ADAMTSL1: variants seen among roughly 807,000 people sequenced by gnomAD.
ADAMTSL1 encodes the protein ADAMTS like 1.
ADAMTSL1 carries 126 observed loss-of-function variants against 201.8 expected under a neutral mutation model. The ratio of observed to expected loss-of-function variants is 0.62; its 90% CI spans 0.54 to 0.72. The LOEUF is 0.72. Ranked by LOEUF, ADAMTSL1 falls within the 30% of genes least tolerant of loss-of-function variation. The pLI is 0.00. For missense variants in ADAMTSL1, 2,679 were observed against 2,277.8 expected (o/e 1.18, Z -3.59); for synonymous variants, 1,121 against 903.4 (o/e 1.24, Z -4.32).
chr9:18,719,536 G>A (rs1335548843), intron 14 of ADAMTSL1, among the ~76,000 whole-genome samples: 1 of 151,998 alleles, frequency 6.6e-6, no homozygotes, highest in Non-Finnish European at 1.5e-5. Flanking sequence ...GGCTAATTTT[G>A]TACTTTTAGT....
intron 1 of ADAMTSL1, among the ~76,000 whole-genome samples, chr9:17,996,785 C>T (rs1057136467): frequency 1.3e-5 from 2 of 152,040 alleles, no homozygotes; most frequent in East Asian, 1.9e-4. Context: ...ACCACCACCC[C>T]CTTTTGCATT....
At chr9:18,674,578 A>G (rs1830028297) in intron 9 of ADAMTSL1, among the ~76,000 whole-genome samples, 1 of 152,010 alleles carries the variant, frequency 6.6e-6, no homozygotes, top group African/African-American at 2.4e-5. Flanking sequence ...TGCTAGCCAT[A>G]TTTTATAAAC....
At chr9:17,970,581 C>G (rs1019723484) in intron 1 of ADAMTSL1, among the ~76,000 whole-genome samples, 5 of 151,946 alleles carry the variant, frequency 3.3e-5, no homozygotes, top group African/African-American at 1.2e-4. Context: ...AGTGGCTTCC[C>G]TCCTGTATTT....
At chr9:18,811,850 T>C (rs1823527109) in intron 20 of ADAMTSL1, among the ~76,000 whole-genome samples, 1 of 152,114 alleles carries the variant, frequency 6.6e-6, no homozygotes, top group South Asian at 2.1e-4. Flanking sequence ...ATTGTCTTTA[T>C]AGACAATCAA....
rs368034957 is a variant in ADAMTSL1, at chr9:18,331,762, T to A, written c.207+167781T>A. On this transcript the variant is annotated intron_variant, in intron 2 of 29. Transcript: ENST00000680146. ...AGCTTTCCTAAATCAGATGCTAGAG[T>A]TTTAGTAGCTATGCATCAGTAGCTC... Among the ~76,000 whole-genome samples the A allele has an allele frequency of 5.3e-5, 8 of 152,274 alleles. No homozygotes were observed. The South Asian group carries it at 6.2e-4, about 12-fold the overall frequency.
intron 1 of ADAMTSL1, among the ~76,000 whole-genome samples, chr9:18,129,849 A>G (rs1825876689): frequency 6.6e-6 from 1 of 152,212 alleles, no homozygotes; most frequent in East Asian, 1.9e-4. Context: ...CCTGAGGTCA[A>G]GAAACCTTCC....
At chr9:18,807,912 T>C (rs2131128949) in intron 20 of ADAMTSL1, among the ~76,000 whole-genome samples, 1 of 152,304 alleles carries the variant, frequency 6.6e-6, no homozygotes, top group Admixed American at 6.5e-5. Context: ...TTAATATCAA[T>C]GTGATTGTAA....
rs78103044 is a variant in ADAMTSL1, at chr9:18,459,574, G to A, written c.208-45255G>A. Among the ~76,000 whole-genome samples, 151 of 152,250 alleles carry A rather than the reference G, an allele frequency of 9.9e-4. 1 individual carries two copies. In the East Asian group the frequency reaches 0.013, roughly 13 times the overall value. On this transcript the variant is annotated intron_variant, in intron 2 of 29. Coordinates refer to the ADAMTSL1 transcript ENST00000680146. ...GCACCCAGGGAACTTGCCTGCAAAA[G>A]AGCCCCATCATGACTTCGTTAATCC...
At chr9:18,626,703 T>G (rs972207319) in intron 5 of ADAMTSL1, among the ~76,000 whole-genome samples, 2 of 152,134 alleles carry the variant, frequency 1.3e-5, no homozygotes, top group Non-Finnish European at 2.9e-5. Flanking sequence ...TGGAAAGATA[T>G]TACACTAAGC....
intron 2 of ADAMTSL1, among the ~76,000 whole-genome samples, chr9:18,286,327 C>T (rs889663609): frequency 2.0e-5 from 3 of 152,140 alleles, no homozygotes; most frequent in African/African-American, 7.2e-5. Context: ...CATGAATGGA[C>T]TCAGTGAATA....
In ADAMTSL1 at chr9:17,983,608, T is replaced by C. The variant is rs184912369; in HGVS notation, c.87+76686T>C. Among the ~76,000 whole-genome samples the C allele has an allele frequency of 4.4e-3, 677 of 152,342 alleles. 4 individuals are homozygous for C. The highest frequency in any genetic ancestry group is 6.0e-3 in the Admixed American group (92 of 15,306). On this transcript the variant is annotated intron_variant, in intron 1 of 29. Transcript: ENST00000680146. ...TTTGATATTATGTAATTGACTAGCC[T>C]TGTGATTTCAATTTAAAATGTGTAA...
chr9:18,405,276 C>T (rs1184352415), intron 2 of ADAMTSL1, among the ~76,000 whole-genome samples: 1 of 152,208 alleles, frequency 6.6e-6, no homozygotes, highest in South Asian at 2.1e-4. Flanking sequence ...CACTCAGCAT[C>T]TACGCCTCAC....
At chr9:18,383,908 C>T (rs1399821008) in intron 2 of ADAMTSL1, among the ~76,000 whole-genome samples, 1 of 152,086 alleles carries the variant, frequency 6.6e-6, no homozygotes, top group African/African-American at 2.4e-5. Flanking sequence ...CTGGTTAATG[C>T]AGATTCTGAT....
chr9:18,281,338 G>A (rs1434106917), intron 2 of ADAMTSL1, among the ~76,000 whole-genome samples: 1 of 152,108 alleles, frequency 6.6e-6, no homozygotes, highest in South Asian at 2.1e-4. Context: ...TGGGAAGCAA[G>A]AGCCTGGGCT....
intron 2 of ADAMTSL1, among the ~76,000 whole-genome samples, chr9:18,222,876 A>T (rs867828149): frequency 2.0e-5 from 3 of 151,892 alleles, no homozygotes; most frequent in Non-Finnish European, 2.9e-5. Context: ...CTTTCCAGAC[A>T]TTACTGTACC....
chr9:18,236,558 G>A (rs535765353), intron 2 of ADAMTSL1, among the ~76,000 whole-genome samples: 4 of 152,336 alleles, frequency 2.6e-5, no homozygotes, highest in East Asian at 1.9e-4. Context: ...GATGGAAAAT[G>A]TGTGTTTGTA....
intron 1 of ADAMTSL1, among the ~76,000 whole-genome samples, chr9:18,008,667 G>A (rs1819931027): frequency 6.6e-6 from 1 of 151,854 alleles, no homozygotes; most frequent in South Asian, 2.1e-4. Flanking sequence ...TTTTACCTAA[G>A]GGAAAAAGAG....
chr9:18,259,554 C>T (rs1753954209), intron 2 of ADAMTSL1, among the ~76,000 whole-genome samples: 2 of 151,866 alleles, frequency 1.3e-5, no homozygotes, highest in South Asian at 4.2e-4. Context: ...GCATCACAAG[C>T]TTAATGTGCT....
chr9:18,189,799 T>C (rs1051885715), intron 2 of ADAMTSL1, among the ~76,000 whole-genome samples: 1 of 152,190 alleles, frequency 6.6e-6, no homozygotes, highest in Non-Finnish European at 1.5e-5. Context: ...TCAAGTTTCT[T>C]TCTTTTATGC....
Sources: gnomAD v4.1 joint callset for allele counts (sites outside exome capture counted in the v4.1 genomes callset) on GRCh38, gnomAD v4.1.1 for gene constraint, MANE v1.5 for transcripts, NCBI Gene and HGNC (gene_info 2026-07-23, HGNC 2026-07-21) for gene names.